The following SMIM14 variants were observed in gnomAD, a reference collection of about 807,000 sequenced individuals.
The protein encoded by SMIM14 is chromosome 4 open reading frame 34.
A neutral mutation model predicts 12.6 loss-of-function variants in SMIM14; 5 were observed. The observed-to-expected ratio is 0.40, with a 90% CI of 0.21 to 0.83. The LOEUF (loss-of-function observed/expected upper bound fraction) is 0.83, where lower values mean the gene tolerates loss of function less well. SMIM14 is among the 40% of genes least tolerant of loss of function. The pLI is 0.37. For missense variants in SMIM14, 86 were observed against 119.1 expected, an observed-to-expected ratio of 0.72 and a Z score of 1.29; for synonymous variants, 30 against 40.1, an observed-to-expected ratio of 0.75 and a Z score of 0.95.
rs567974352 is a variant in SMIM14 at position 39,616,450 on chromosome 4, G to A, written c.-35-11270C>T. On this transcript the variant is annotated intron_variant, in intron 1 of 4. Coordinates refer to ENST00000295958, the MANE Select transcript of SMIM14 (RefSeq NM_174921.3). Reference sequence around the variant, plus strand: ...GCGCCTGGCCACATTTTATAACTTGGGAGTTTCTGACTCTTGCTTCTCAGA... The same window carrying A: ...GCGCCTGGCCACATTTTATAACTTGAGAGTTTCTGACTCTTGCTTCTCAGA... Among the ~76,000 whole-genome samples the A allele has an allele frequency of 2.4e-4, 36 of 152,040 alleles. No individual in the cohort carries two copies. The South Asian group carries it at 6.4e-3, about 27-fold the overall frequency.
At chr4:39,632,869 A>G (rs1209375629) in intron 1 of SMIM14, among the ~76,000 whole-genome samples, 1 of 152,040 alleles carries the variant, frequency 6.6e-6, no homozygotes, top group Non-Finnish European at 1.5e-5. Context: ...AGATTTTAGA[A>G]TTCAAAAAAT....
intron 2 of SMIM14, among the ~76,000 whole-genome samples, chr4:39,576,633 A>C (rs1713179864): frequency 7.9e-6 from 1 of 127,096 alleles, no homozygotes; most frequent in Admixed American, 9.9e-5. Flanking sequence ...CAATGTATAT[A>C]ACTTATACCT....
chr4:39,604,721 G>A (rs561800241), intron 2 of SMIM14, among the ~76,000 whole-genome samples: 6 of 151,280 alleles, frequency 4.0e-5, no homozygotes, highest in South Asian at 2.1e-4. Flanking sequence ...AGCAATTCTC[G>A]TGTCTCAGCC....
chr4:39,554,654 C>CTTTTT (rs111326390), intron 4 of SMIM14, among the ~76,000 whole-genome samples: 12 of 95,182 alleles, frequency 1.3e-4, no homozygotes, highest in East Asian at 3.2e-4. Flanking sequence ...GGAAATTTTC[C>CTTTTT]TTTTTTTTTT....
At chr4:39,555,243 T>G (rs1711951298) in intron 4 of SMIM14, among the ~76,000 whole-genome samples, 1 of 151,994 alleles carries the variant, frequency 6.6e-6, no homozygotes, top group East Asian at 1.9e-4. Flanking sequence ...GAGGTTCTTT[T>G]TTTTTTTGAG....
chr4:39,594,229 A>G (rs1442187801), intron 2 of SMIM14: 2 of 152,214 alleles, frequency 1.3e-5, no homozygotes, highest in African/African-American at 2.4e-5. Flanking sequence ...AACAGAACAG[A>G]GCCCTCGGAA....
intron 1 of SMIM14, among the ~76,000 whole-genome samples, chr4:39,631,591 G>A (rs1715901825): frequency 1.3e-5 from 2 of 151,960 alleles, no homozygotes; most frequent in South Asian, 2.1e-4. Context: ...CCCGGGAAGC[G>A]GAGCTTGCAG....
chr4:39,547,488 A>AAAG lies in SMIM14; in HGVS notation c.*4637_*4638insCTT, dbSNP rs1553860252. 3 of 152,262 alleles carry AAAG rather than the reference A, an allele frequency of 2.0e-5. No homozygotes were observed. The highest frequency in any genetic ancestry group is 4.4e-5 in the Non-Finnish European group (3 of 68,046). 9.4% of individuals were successfully genotyped at this position (152,262 alleles called of 1,614,324 possible). On this transcript the variant is annotated 3_prime_UTR_variant, in exon 5 of 5. Coordinates refer to ENST00000295958, the MANE Select transcript of SMIM14 (RefSeq NM_174921.3). ...TCACACGACCACTTTTGCTTTTAACAAACTAATCTTCACACATGGTAACAA... is the reference window on the plus strand; with the variant it reads ...TCACACGACCACTTTTGCTTTTAACAAAGAACTAATCTTCACACATGGTAACAA...
At position 39,622,735 on chromosome 4, in the gene SMIM14, A is replaced by G. The variant is rs79244925; in HGVS notation, c.-36+16004T>C. ...CGTTTTTAAAGGCATAGGAAAACAC[A>G]TACAAATGAAAAGGCTGAAAGAAAA... On this transcript the variant is annotated intron_variant, in intron 1 of 4. Coordinates refer to ENST00000295958, the MANE Select transcript of SMIM14 (RefSeq NM_174921.3). 2.8e-4 allele frequency among the ~76,000 whole-genome samples: 43 copies of G among 152,320 alleles called. No individual in the cohort carries two copies. In the East Asian group the frequency reaches 7.9e-3, roughly 28 times the overall value.
chr4:39,610,460 A>T (rs1053632569), intron 1 of SMIM14, among the ~76,000 whole-genome samples: 1 of 150,252 alleles, frequency 6.7e-6, no homozygotes, highest in East Asian at 2.0e-4. Context: ...CTTTTTTTTT[A>T]AAGTAAACTG....
chr4:39,636,173 C>CCAAA, intron 1 of SMIM14, among the ~76,000 whole-genome samples: 1 of 76,350 alleles, frequency 1.3e-5, no homozygotes, highest in Admixed American at 1.8e-4. Context: ...CTCCATCTCC[C>CCAAA]AAAAAAAAAA....
chr4:39,602,859 A>C (rs1249638678), intron 2 of SMIM14, among the ~76,000 whole-genome samples: 1 of 152,240 alleles, frequency 6.6e-6, no homozygotes, highest in East Asian at 1.9e-4. Context: ...ATATGTAGCA[A>C]CACTAAGCAA....
Position 39,598,000 on chromosome 4 carries a change from TCTTC to T in SMIM14, c.75+7067_75+7070del, listed in dbSNP as rs1486185795. 2.0e-5 allele frequency among the ~76,000 whole-genome samples: 3 copies of T among 152,336 alleles called. No individual in the cohort carries two copies. The East Asian group carries it at 5.8e-4, about 29-fold the overall frequency. ...TCATTCCAAAACCAAGTGTTTTTTC[TCTTC>T]CTTCTCACTTTATTTACAACCACTA... On this transcript the variant is annotated intron_variant, in intron 2 of 4. Coordinates refer to ENST00000295958, the MANE Select transcript of SMIM14 (RefSeq NM_174921.3).
At chr4:39,584,004 C>T (rs931390158) in intron 2 of SMIM14, 1 of 151,916 alleles carries the variant, frequency 6.6e-6, no homozygotes, top group African/African-American at 2.4e-5. Flanking sequence ...ATACACATAG[C>T]CAAACTACAA....
At chr4:39,618,649 C>A (rs1235258406) in intron 1 of SMIM14, among the ~76,000 whole-genome samples, 416 of 92,110 alleles carry the variant, frequency 4.5e-3, no homozygotes, top group South Asian at 6.7e-3. Context: ...GACTCCATCT[C>A]AAAAAAAAAA....
intron 3 of SMIM14, among the ~76,000 whole-genome samples, chr4:39,557,623 T>C (rs565555372): frequency 3.9e-5 from 6 of 152,306 alleles, no homozygotes; most frequent in African/African-American, 1.4e-4. Flanking sequence ...TCCTTCATGA[T>C]TGTTCTTTTT....
intron 1 of SMIM14, among the ~76,000 whole-genome samples, chr4:39,621,686 CT>C (rs57206633): frequency 0.025 from 2,662 of 105,150 alleles, 29 homozygotes; most frequent in African/African-American, 0.073. Flanking sequence ...CCAAACGTTT[CT>C]TTTTTTTTTT....
At chr4:39,632,811 ACAC>A in intron 1 of SMIM14, among the ~76,000 whole-genome samples, 1 of 150,592 alleles carries the variant, frequency 6.6e-6, no homozygotes, top group African/African-American at 2.5e-5. Flanking sequence ...ACACACACAC[ACAC>A]ACACACACAC....
At chr4:39,590,257 T>C (rs925262943) in intron 2 of SMIM14, among the ~76,000 whole-genome samples, 1 of 150,558 alleles carries the variant, frequency 6.6e-6, no homozygotes, top group African/African-American at 2.4e-5. Flanking sequence ...CTACTAAAAA[T>C]ACAAAATTAG....
Sources: allele counts gnomAD v4.1 joint callset (sites outside exome capture counted in the v4.1 genomes callset), GRCh38; gene constraint gnomAD v4.1.1; transcripts MANE v1.5; gene names NCBI Gene and HGNC (gene_info 2026-07-23, HGNC 2026-07-21).